Variants in ZNF605 observed in about 807,000 individuals in gnomAD.
ZNF605 encodes zinc finger protein 605.
ZNF605 carries 9 observed loss-of-function variants against 7.9 expected under a neutral mutation model. That is an observed-to-expected ratio of 1.14 (90% CI 0.68 to 1.98). The LOEUF is 1.98. Ranked by LOEUF, ZNF605 falls within the 30% of genes most tolerant of loss-of-function variation. The pLI is 0.00. For synonymous variants in ZNF605, 255 were observed against 260.1 expected (o/e 0.98, Z 0.19); for missense variants, 673 against 762.4 (o/e 0.88, Z 1.38).
rs73431772 is a variant in ZNF605 at position 132,949,345 on chromosome 12, C to T, written c.-285-1075G>A. On this transcript the variant is annotated intron_variant, in intron 1 of 4. Coordinates refer to ENST00000360187, the MANE Select transcript of ZNF605 (RefSeq NM_183238.4). The stretch of plus-strand genomic sequence containing the variant: ...ATAGATTACACGTATGATGGGCGCA[C>T]TGCCTCCCTTTCACTGTTTCGCCCT... 7.8e-3 allele frequency among the ~76,000 whole-genome samples: 1,186 copies of T among 152,322 alleles called. 8 individuals are homozygous for T. The highest frequency in any genetic ancestry group is 0.018 in the African/African-American group (762 of 41,576).
At position 132,941,609 on chromosome 12, in the gene ZNF605, G is replaced by T. The variant is rs1168411336; in HGVS notation, c.15+4012C>A. On this transcript the variant is annotated intron_variant, in intron 3 of 4. Transcript: ENST00000360187. This position sits in a 1 kb window ranked among gnomAD's most constrained non-coding sequence, Gnocchi z 5.1. Reference sequence around the variant, plus strand: ...ACGAGCAACAGGGTAACTGACTGTTGTAACGGACAGCTTCGGTGGCTGCTG... The same window carrying T: ...ACGAGCAACAGGGTAACTGACTGTTTTAACGGACAGCTTCGGTGGCTGCTG... Among the ~76,000 whole-genome samples, 3 of 152,252 alleles carry T rather than the reference G, an allele frequency of 2.0e-5. No homozygotes were observed. The highest frequency in any genetic ancestry group is 4.4e-5 in the Non-Finnish European group (3 of 68,044).
intron 3 of ZNF605, among the ~76,000 whole-genome samples, chr12:132,938,844 G>A (rs1188766447): frequency 3.3e-5 from 5 of 151,886 alleles, no homozygotes; most frequent in Admixed American, 6.5e-5. Context: ...CGCCGCACTC[G>A]GAGCAGCCAG....
rs1952446912 is a variant in ZNF605, at chr12:132,941,877, CTCT to C, written c.15+3741_15+3743del. ...TCTCCAGGCTGCCCTCCATCACGCA[CTCT>C]TCTTCTCCAGTTACAGACACCTCAG... On this transcript the variant is annotated intron_variant, in intron 3 of 4. Coordinates refer to ENST00000360187, the MANE Select transcript of ZNF605 (RefSeq NM_183238.4). This position sits in a 1 kb window ranked among gnomAD's most constrained non-coding sequence, Gnocchi z 5.1. Among the ~76,000 whole-genome samples the C allele has an allele frequency of 2.6e-5, 4 of 152,198 alleles. No individual in the cohort carries two copies. Among genetic ancestry groups the C allele is most frequent in the African/African-American group, 9.6e-5 (4 of 41,462 alleles).
rs1354292728 is a variant in ZNF605, at chr12:132,922,160, T to C, written c.*3213A>G. 2.7e-5 allele frequency: 4 copies of C among 149,680 alleles called. No individual in the cohort carries two copies. The highest frequency in any genetic ancestry group is 1.3e-4 in the Admixed American group (2 of 15,182). 9.3% of individuals were successfully genotyped at this position (149,680 alleles called of 1,614,324 possible). A position where few individuals can be genotyped will look rare whatever the true frequency, so the allele number is the denominator to read the frequency against. On this transcript the variant is annotated 3_prime_UTR_variant, in exon 5 of 5. Transcript: ENST00000360187. ...TCAGGGGTATTTTAATTGTACAGCA[T>C]AACACTTTAGAGAGCTGGGAAGTAT... is the stretch of plus-strand genomic sequence containing the variant.
intron 1 of ZNF605, among the ~76,000 whole-genome samples, chr12:132,955,171 C>T (rs1593610109): frequency 1.3e-5 from 2 of 152,106 alleles, no homozygotes; most frequent in Admixed American, 1.3e-4. Flanking sequence ...ACCGTGAAGC[C>T]ACGAGACTCA....
At position 132,919,389 on chromosome 12, in the gene ZNF605, T is replaced by C. The variant is rs1253951437; in HGVS notation, c.*5984A>G. On this transcript the variant is annotated 3_prime_UTR_variant, in exon 5 of 5. Coordinates refer to ENST00000360187, the MANE Select transcript of ZNF605 (RefSeq NM_183238.4). Reference sequence around the variant, plus strand: ...TCTGGCCAGTAATGCCTTTTTTTTTTTTTTTTTTTTTTTTGAGATGGAGTC... The same window carrying C: ...TCTGGCCAGTAATGCCTTTTTTTTTCTTTTTTTTTTTTTTGAGATGGAGTC... The C allele has an allele frequency of 6.9e-6, 1 of 144,984 alleles. No individual in the cohort carries two copies. Among genetic ancestry groups the C allele is most frequent in the Non-Finnish European group, 1.5e-5 (1 of 66,706 alleles). The allele number at this position is 144,984 out of a possible 1,614,324, so 9.0% of individuals were successfully genotyped here. A position where few individuals can be genotyped will look rare whatever the true frequency, so the allele number is the denominator to read the frequency against.
chr12:132,950,428 C>T (rs937025943), intron 1 of ZNF605, among the ~76,000 whole-genome samples: 10 of 151,864 alleles, frequency 6.6e-5, no homozygotes, highest in East Asian at 1.9e-4. Context: ...CGTACAGACA[C>T]GCACATACGT....
At position 132,933,251 on chromosome 12, in the gene ZNF605, G is replaced by T. The variant is rs1952324420; in HGVS notation, c.16-96C>A. 7.2e-7 allele frequency: 1 copy of T among 1,397,012 alleles called. No individual in the cohort carries two copies. Among genetic ancestry groups the T allele is most frequent in the African/African-American group, 1.4e-5 (1 of 69,592 alleles). 86.5% of individuals were successfully genotyped at this position (1,397,012 alleles called of 1,614,324 possible). On this transcript the variant is annotated intron_variant, in intron 3 of 4. Transcript: ENST00000360187. The surrounding 1 kb of genome is among the most constrained non-coding windows in gnomAD (Gnocchi z 4.4). ...TTTGTGGTAGGTGGCCTCTAAGATGGCCCCAGTGACCTCTGACTCCGGTAT... is the reference window on the plus strand; with the variant it reads ...TTTGTGGTAGGTGGCCTCTAAGATGTCCCCAGTGACCTCTGACTCCGGTAT...
intron 3 of ZNF605, among the ~76,000 whole-genome samples, chr12:132,939,463 G>A (rs1458473413): frequency 6.6e-6 from 1 of 152,174 alleles, no homozygotes; most frequent in Admixed American, 6.5e-5. Flanking sequence ...CTCAAGGTTT[G>A]TGAATGCACC....
At chr12:132,947,182 T>C (rs1952502940) in intron 2 of ZNF605, among the ~76,000 whole-genome samples, 1 of 152,068 alleles carries the variant, frequency 6.6e-6, no homozygotes, top group African/African-American at 2.4e-5. Context: ...CTGGCCAATT[T>C]TTTTGTATTT....
intron 1 of ZNF605, among the ~76,000 whole-genome samples, chr12:132,954,672 C>A (rs1952617028): frequency 2.0e-5 from 3 of 151,656 alleles, no homozygotes; most frequent in Admixed American, 2.0e-4. Context: ...AGCATTCGCC[C>A]CCATGACACC....
intron 1 of ZNF605, among the ~76,000 whole-genome samples, chr12:132,951,049 G>GATAC (rs147218639): frequency 0.16 from 24,765 of 150,662 alleles, 2,306 homozygotes; most frequent in South Asian, 0.25. Context: ...TGTACACACA[G>GATAC]ATACATCATA....
In ZNF605 at chr12:132,936,781, A is replaced by G. The variant is rs1203919667; in HGVS notation, c.16-3626T>C. On this transcript the variant is annotated intron_variant, in intron 3 of 4. Coordinates refer to ENST00000360187, the MANE Select transcript of ZNF605 (RefSeq NM_183238.4). Reference sequence around the variant, plus strand: ...AAAACTTTTAGAAGAAAACCAAAGAAAACCTGTGTGACTTTGGGTTTGGCA... The same window carrying G: ...AAAACTTTTAGAAGAAAACCAAAGAGAACCTGTGTGACTTTGGGTTTGGCA... Among the ~76,000 whole-genome samples, 4 of 151,088 alleles carry G rather than the reference A, an allele frequency of 2.6e-5. No individual in the cohort carries two copies. The Admixed American group carries it at 2.7e-4, about 10-fold the overall frequency.
chr12:132,927,163 C>A lies in ZNF605; in HGVS notation c.137-1G>T. The A allele has an allele frequency of 1.9e-6, 3 of 1,539,284 alleles. No homozygotes were observed. Among genetic ancestry groups the A allele is most frequent in the Admixed American group, 4.3e-5 (2 of 46,160 alleles). On this transcript the variant is annotated splice_acceptor_variant, in intron 4 of 4. Coordinates refer to ENST00000360187, the MANE Select transcript of ZNF605 (RefSeq NM_183238.4). LOFTEE classifies it high-confidence loss of function. ...ATTTTGGGATTATCTAGCCAGACTT[C>A]TAAAAAGAGAAAAAAATGAACCATA...
chr12:132,935,180 G>C (rs1952351576), intron 3 of ZNF605, among the ~76,000 whole-genome samples: 1 of 152,074 alleles, frequency 6.6e-6, no homozygotes, highest in Non-Finnish European at 1.5e-5. Context: ...AGCTACAAGG[G>C]ACACAGGAAA....
chr12:132,940,143 C>T (rs1322362575), intron 3 of ZNF605, among the ~76,000 whole-genome samples: 2 of 152,198 alleles, frequency 1.3e-5, no homozygotes, highest in African/African-American at 4.8e-5. Context: ...AGCCACTGTG[C>T]CTAGCCGACA....
rs1322989200 is a variant in ZNF605 at position 132,918,679 on chromosome 12, C to G, written c.*6694G>C. On this transcript the variant is annotated 3_prime_UTR_variant, in exon 5 of 5. Transcript: ENST00000360187. ...CACTGCAACCTCCAACTCCTGGGTT[C>G]ATGTGATTTGCCCACCTCAGCCTCC... The G allele has an allele frequency of 6.6e-6, 1 of 152,302 alleles. No individual in the cohort carries two copies. The highest frequency in any genetic ancestry group is 1.9e-4 in the East Asian group (1 of 5,194). The allele number at this position is 152,302 out of a possible 1,614,324, so 9.4% of individuals were successfully genotyped here.
intron 4 of ZNF605, among the ~76,000 whole-genome samples, chr12:132,931,802 G>C (rs368424291): frequency 6.6e-6 from 1 of 152,328 alleles, no homozygotes; most frequent in African/African-American, 2.4e-5. Flanking sequence ...TGGTATGAGA[G>C]AGAAGCTTTA....
intron 4 of ZNF605, among the ~76,000 whole-genome samples, chr12:132,931,696 G>T (rs1351802399): frequency 6.6e-6 from 1 of 152,184 alleles, no homozygotes; most frequent in Non-Finnish European, 1.5e-5. Flanking sequence ...TAAGTGGAGA[G>T]ATAAGATGTT....
Sources: allele counts gnomAD v4.1 joint callset (sites outside exome capture counted in the v4.1 genomes callset), GRCh38; gene constraint gnomAD v4.1.1; non-coding constraint Gnocchi (gnomAD v3.1); transcripts MANE v1.5; gene names NCBI Gene and HGNC (gene_info 2026-07-23, HGNC 2026-07-21).